The following PCDH11X variants were observed in gnomAD, a reference collection of about 807,000 sequenced individuals.
The protein encoded by PCDH11X is protocadherin-11 X-linked.
Under a neutral mutation model 53.3 loss-of-function variants are expected in PCDH11X, and 18 were observed. The ratio of observed to expected loss-of-function variants is 0.34; its 90% CI spans 0.23 to 0.50. The LOEUF (loss-of-function observed/expected upper bound fraction) is 0.50. PCDH11X is among the 20% of genes least tolerant of loss of function. The probability of loss-of-function intolerance (pLI) is 0.98; values close to 1 mark genes in which losing one functional copy is unlikely to be tolerated. For missense variants in PCDH11X, 570 were observed against 1,032.4 expected, an observed-to-expected ratio of 0.55 and a Z score of 6.14; for synonymous variants, 279 against 393.3, an observed-to-expected ratio of 0.71 and a Z score of 3.44.
intron 5 of PCDH11X, among the ~76,000 whole-genome samples, chrX:91,855,993 T>A (rs1938310948): frequency 9.5e-6 from 1 of 104,751 alleles, no homozygotes; most frequent in East Asian, 3.0e-4. Context: ...CCTTTATATC[T>A]TTCTCTTATC....
intron 6 of PCDH11X, chrX:91,982,757 C>T (rs2062161865): frequency 1.4e-6 from 1 of 707,639 alleles, no homozygotes; most frequent in Non-Finnish European, 2.3e-6. Flanking sequence ...GCTTTAGGGT[C>T]TGAGTGTATC....
At chrX:92,163,923 A>C (rs1318582801) in intron 6 of PCDH11X, among the ~76,000 whole-genome samples, 1 of 110,915 alleles carries the variant, frequency 9.0e-6, no homozygotes, top group African/African-American at 3.4e-5. Flanking sequence ...AATAACGCAA[A>C]GTTTTAGTCA....
chrX:92,034,455 A>G (rs2063097882), intron 6 of PCDH11X, among the ~76,000 whole-genome samples: 1 of 108,466 alleles, frequency 9.2e-6, no homozygotes, highest in Middle Eastern at 4.3e-3. Flanking sequence ...CTATTGTTAT[A>G]TCCTCTTTCT....
chrX:92,375,136 A>C (rs1197688487), intron 8 of PCDH11X, among the ~76,000 whole-genome samples: 16 of 36,863 alleles, frequency 4.3e-4, no homozygotes, highest in Non-Finnish European at 6.4e-4. Context: ...TAATCATTCC[A>C]TTCATTTATA....
intron 10 of PCDH11X, among the ~76,000 whole-genome samples, chrX:92,511,170 A>T (rs1293281273): frequency 8.9e-6 from 1 of 111,977 alleles, no homozygotes; most frequent in African/African-American, 3.2e-5. Context: ...AGTGTCTGTG[A>T]TATCTATTAG....
At chrX:92,234,638 A>G (rs749235943) in intron 7 of PCDH11X, among the ~76,000 whole-genome samples, 5 of 111,134 alleles carry the variant, frequency 4.5e-5, no homozygotes, top group Non-Finnish European at 7.5e-5. Flanking sequence ...AATACAAAGA[A>G]TATTACATAG....
At chrX:92,254,774 T>C (rs1407819800) in intron 7 of PCDH11X, among the ~76,000 whole-genome samples, 2 of 109,614 alleles carry the variant, frequency 1.8e-5, no homozygotes, top group African/African-American at 6.7e-5. Context: ...TGGCCCCCAC[T>C]CTCTTCTGGC....
intron 9 of PCDH11X, among the ~76,000 whole-genome samples, chrX:92,392,982 C>T (rs1235568568): frequency 9.1e-6 from 1 of 110,413 alleles, no homozygotes; most frequent in Admixed American, 9.8e-5. Context: ...CACAGTTCAG[C>T]TAATGTTACC....
intron 10 of PCDH11X, among the ~76,000 whole-genome samples, chrX:92,579,036 T>C (rs1923327043): frequency 9.3e-6 from 1 of 107,712 alleles, no homozygotes; most frequent in Non-Finnish European, 1.9e-5. Context: ...AAATTCCGGG[T>C]TGGCAATTCT....
intron 6 of PCDH11X, among the ~76,000 whole-genome samples, chrX:92,013,992 A>T (rs2062743138): frequency 8.9e-6 from 1 of 111,976 alleles, no homozygotes; most frequent in South Asian, 3.8e-4. Context: ...TCATGTCTAA[A>T]ACACCAAAAG....
In PCDH11X at chrX:92,216,218, G is replaced by A. The variant is rs749022432; in HGVS notation, c.3114+14763G>A. Among the ~76,000 whole-genome samples the A allele has an allele frequency of 9.9e-5, 11 of 110,900 alleles. No individual in the cohort carries two copies. The South Asian group carries it at 3.5e-3, about 36-fold the overall frequency. ...AAGCTGGACAGAGAATGACTTTGAC[G>A]AGCTGAGAGAAGGCTTCAGATGATC... On this transcript the variant is annotated intron_variant, in intron 7 of 10. Transcript: ENST00000682573.
At chrX:92,263,074 T>A in intron 7 of PCDH11X, 40 bp from the exon 8 acceptor site, 1 of 1,155,829 alleles carries the variant, frequency 8.7e-7, no homozygotes, top group Non-Finnish European at 1.2e-6. Context: ...TTTGTTTTAT[T>A]TTCCTTTGCT....
In PCDH11X at chrX:92,460,560, G is replaced by A. The variant is rs771463171; in HGVS notation, c.3344-7739G>A. The A allele has an allele frequency of 9.6e-5, 72 of 752,432 alleles. 1 individual carries two copies. The East Asian group carries it at 1.8e-3, about 19-fold the overall frequency. 62.0% of individuals were successfully genotyped at this position (752,432 alleles called of 1,213,427 possible). On this transcript the variant is annotated intron_variant, in intron 9 of 10. Coordinates refer to ENST00000682573, the MANE Select transcript of PCDH11X (RefSeq NM_032968.5). ...GAGATGACGCTCACAGAGCTGAGAC[G>A]TACAGTCCAGTCCTTGGAGATCGAC...
chrX:92,264,478 ATG>A (rs776452663), intron 8 of PCDH11X, among the ~76,000 whole-genome samples: 24 of 110,358 alleles, frequency 2.2e-4, no homozygotes, highest in Non-Finnish European at 4.4e-4. Context: ...GTGTGATTAT[ATG>A]TGTGTGTGTG....
intron 7 of PCDH11X, among the ~76,000 whole-genome samples, chrX:92,237,018 A>G (rs1231785681): frequency 9.2e-6 from 1 of 108,735 alleles, no homozygotes; most frequent in Non-Finnish European, 1.9e-5. Context: ...GTGATTTTCA[A>G]TTCTTTAAAT....
chrX:92,494,358 CT>C (rs1164325207), intron 10 of PCDH11X, among the ~76,000 whole-genome samples: 1 of 104,491 alleles, frequency 9.6e-6, no homozygotes, highest in African/African-American at 3.5e-5. Context: ...TGTCAGTGCA[CT>C]TTTGTCTTCT....
intron 7 of PCDH11X, among the ~76,000 whole-genome samples, chrX:92,247,017 C>G (rs1351460001): frequency 9.0e-6 from 1 of 111,457 alleles, no homozygotes; most frequent in East Asian, 2.8e-4. Flanking sequence ...TCTTTGATCC[C>G]TTAGAGTATT....
intron 5 of PCDH11X, among the ~76,000 whole-genome samples, chrX:91,849,330 T>C: frequency 9.1e-6 from 1 of 110,482 alleles, no homozygotes; most frequent in Non-Finnish European, 1.9e-5. Flanking sequence ...AGGTTTGTTA[T>C]ATAGGTAAAC....
chrX:92,505,498 C>A (rs2074042320), intron 10 of PCDH11X, among the ~76,000 whole-genome samples: 1 of 110,375 alleles, frequency 9.1e-6, no homozygotes, highest in African/African-American at 3.3e-5. Flanking sequence ...TGTTGAAGAT[C>A]AGATGGCTGT....
Sources: gnomAD v4.1 joint callset for allele counts (sites outside exome capture counted in the v4.1 genomes callset) on GRCh38, gnomAD v4.1.1 for gene constraint, MANE v1.5 for transcripts, NCBI Gene and HGNC (gene_info 2026-07-23, HGNC 2026-07-21) for gene names.